Variants in RBPJ observed in about 807,000 individuals in gnomAD.
RBPJ encodes the protein recombination signal binding protein for immunoglobulin kappa J region, also known as recombining binding protein suppressor of hairless.
RBPJ carries 9 observed loss-of-function variants against 67.8 expected under a neutral mutation model. That is an observed-to-expected ratio of 0.13 (90% CI 0.08 to 0.23). RBPJ has a LOEUF of 0.23. Among genes scored for constraint, RBPJ ranks in the 10% least tolerant of loss-of-function variants. The probability of loss-of-function intolerance (pLI) is 1.00; values close to 1 mark genes in which losing one functional copy is unlikely to be tolerated. For missense variants in RBPJ, 305 were observed against 595.6 expected (o/e 0.51, Z 5.08); for synonymous variants, 198 against 203.3 (o/e 0.97, Z 0.22).
chr4:26,374,764 G>A (rs762484075), intron 1 of RBPJ, among the ~76,000 whole-genome samples: 13 of 152,246 alleles, frequency 8.5e-5, no homozygotes, highest in Non-Finnish European at 1.6e-4. Context: ...CAGTGTGCCC[G>A]GCCCCTGGCA....
chr4:26,126,113 T>A, the RBPJ span, among the ~76,000 whole-genome samples: 2 of 152,242 alleles, frequency 1.3e-5, no homozygotes, highest in African/African-American at 4.8e-5. Context: ...AACACCAGCC[T>A]TTCCAGATGT....
chr4:26,221,159 C>G (rs537330763), intron 1 of RBPJ, among the ~76,000 whole-genome samples: 1 of 152,236 alleles, frequency 6.6e-6, no homozygotes, highest in East Asian at 1.9e-4. Flanking sequence ...GGCGCGATCT[C>G]GGCTCACTGC....
chr4:26,405,963 G>C (rs1292020621), intron 2 of RBPJ, among the ~76,000 whole-genome samples: 7 of 152,198 alleles, frequency 4.6e-5, no homozygotes, highest in Non-Finnish European at 1.0e-4. Context: ...AAAGAACAAG[G>C]AATAGAATTG....
intron 1 of RBPJ, among the ~76,000 whole-genome samples, chr4:26,253,503 G>C (rs1457749263): frequency 6.6e-6 from 1 of 150,918 alleles, no homozygotes; most frequent in Non-Finnish European, 1.5e-5. Flanking sequence ...AGTAGAGACG[G>C]GGTTTCACCG....
At chr4:26,244,311 G>GTGTACACATA (rs1719808937) in intron 1 of RBPJ, among the ~76,000 whole-genome samples, 1 of 132,984 alleles carries the variant, frequency 7.5e-6, no homozygotes, top group African/African-American at 3.3e-5. Flanking sequence ...GTACACATAT[G>GTGTACACATA]TGTGTATATG....
chr4:26,288,176 A>T (rs1372888220), intron 1 of RBPJ, among the ~76,000 whole-genome samples: 2 of 152,194 alleles, frequency 1.3e-5, no homozygotes, highest in African/African-American at 4.8e-5. Flanking sequence ...GGCAAGAATA[A>T]ACATTTATTC....
upstream of RBPJ, chr4:26,319,928 G>T (rs1318387856): frequency 6.4e-7 from 1 of 1,568,958 alleles, no homozygotes; most frequent in Non-Finnish European, 8.7e-7. Flanking sequence ...TCACCCTGCT[G>T]TTCCATGCCC....
the RBPJ span, among the ~76,000 whole-genome samples, chr4:26,111,051 G>A: frequency 6.6e-6 from 1 of 152,216 alleles, no homozygotes; most frequent in Non-Finnish European, 1.5e-5. Flanking sequence ...CCCATGAGAA[G>A]ATTGTTGAGC....
At chr4:26,240,847 G>T (rs773550866) in intron 1 of RBPJ, among the ~76,000 whole-genome samples, 5 of 152,136 alleles carry the variant, frequency 3.3e-5, no homozygotes, top group Non-Finnish European at 7.3e-5. Context: ...AGGGAGAAAG[G>T]TCTCCAAGTT....
intron 1 of RBPJ, among the ~76,000 whole-genome samples, chr4:26,209,579 CTG>C (rs1491519118): frequency 8.2e-4 from 113 of 137,300 alleles, no homozygotes; most frequent in South Asian, 1.4e-3. Flanking sequence ...TCCTCCTTCC[CTG>C]TCTCCCTCCC....
chr4:26,429,867 AACTT>A, intron 8 of RBPJ, 27 bp from the exon 9 acceptor site: 2 of 1,591,792 alleles, frequency 1.3e-6, no homozygotes, highest in Non-Finnish European at 1.7e-6. Flanking sequence ...AACTGTATAA[AACTT>A]AGTTTCTAAA....
chr4:26,304,552 G>A (rs1722172714), intron 1 of RBPJ, among the ~76,000 whole-genome samples: 1 of 152,174 alleles, frequency 6.6e-6, no homozygotes, highest in Admixed American at 6.5e-5. Context: ...GTGAGAAATG[G>A]TATCTCATTG....
chr4:26,107,092 T>C, the RBPJ span, among the ~76,000 whole-genome samples: 1 of 152,102 alleles, frequency 6.6e-6, no homozygotes, highest in African/African-American at 2.4e-5. Flanking sequence ...AGTTGAAAAG[T>C]CAGTAGTAAA....
rs1403808246 is a variant in RBPJ at position 26,406,344 on chromosome 4, G to C, written c.155+74G>C. ...TTGCCAATTATGTATTAATATACAT[G>C]TCAGAGGATGGCTTCTATTACTGGG... On this transcript the variant is annotated intron_variant, in intron 3 of 10. Coordinates refer to ENST00000355476, the MANE Select transcript of RBPJ (RefSeq NM_015874.6). The C allele has an allele frequency of 5.5e-6, 5 of 902,656 alleles. No homozygotes were observed. The East Asian group carries it at 1.2e-4, about 22-fold the overall frequency. 55.9% of individuals were successfully genotyped at this position (902,656 alleles called of 1,614,324 possible).
chr4:26,105,880 C>T, the RBPJ span, among the ~76,000 whole-genome samples: 3 of 152,186 alleles, frequency 2.0e-5, no homozygotes, highest in South Asian at 2.1e-4. Flanking sequence ...ACAAGGTGGC[C>T]GCCATGCCAT....
At chr4:26,429,551 C>T (rs1736009658) in intron 8 of RBPJ, among the ~76,000 whole-genome samples, 1 of 152,126 alleles carries the variant, frequency 6.6e-6, no homozygotes, top group Non-Finnish European at 1.5e-5. Context: ...CTTAGGAGTC[C>T]TTGAAGAGTT....
chr4:26,354,723 T>C (rs1727179854), intron 1 of RBPJ, among the ~76,000 whole-genome samples: 1 of 152,114 alleles, frequency 6.6e-6, no homozygotes, highest in South Asian at 2.1e-4. Context: ...GTGCTGCAGT[T>C]ACAGGCATGA....
chr4:26,124,545 C>T, the RBPJ span, among the ~76,000 whole-genome samples: 14 of 148,102 alleles, frequency 9.5e-5, no homozygotes, highest in Admixed American at 4.8e-4. Flanking sequence ...CTGCTATAAA[C>T]ATGAGTGTGC....
chr4:26,364,847 G>A (rs1338164451), intron 1 of RBPJ, among the ~76,000 whole-genome samples: 1 of 151,470 alleles, frequency 6.6e-6, no homozygotes, highest in Non-Finnish European at 1.5e-5. Flanking sequence ...GGCTGGTCTC[G>A]AACTCCTGAT....
Sources: gnomAD v4.1 joint callset for allele counts (sites outside exome capture counted in the v4.1 genomes callset) on GRCh38, gnomAD v4.1.1 for gene constraint, MANE v1.5 for transcripts, NCBI Gene and HGNC (gene_info 2026-07-23, HGNC 2026-07-21) for gene names.